MAGI2: variants seen among roughly 807,000 people sequenced by gnomAD.
The protein encoded by MAGI2 is membrane-associated guanylate kinase, WW and PDZ domain-containing protein 2.
Under a neutral mutation model 133.3 loss-of-function variants are expected in MAGI2, and 35 were observed. That is an observed-to-expected ratio of 0.26 (90% confidence interval 0.20 to 0.35). The LOEUF is 0.35. Ranked by LOEUF, MAGI2 falls within the 10% of genes least tolerant of loss-of-function variation. The pLI is 1.00. For synonymous variants in MAGI2, 729 were observed against 710.6 expected, an observed-to-expected ratio of 1.03 and a Z score of -0.41; for missense variants, 1,636 against 1,863.4, an observed-to-expected ratio of 0.88 and a Z score of 2.25.
chr7:78,312,636 A>G (rs541651717), intron 9 of MAGI2, among the ~76,000 whole-genome samples: 3 of 152,322 alleles, frequency 2.0e-5, no homozygotes, highest in Non-Finnish European at 1.5e-5. Flanking sequence ...ATAATCAGGG[A>G]AATGCAAATG....
At chr7:79,329,509 G>C (rs1262795994) in intron 1 of MAGI2, among the ~76,000 whole-genome samples, 1 of 152,188 alleles carries the variant, frequency 6.6e-6, no homozygotes, top group Non-Finnish European at 1.5e-5. Context: ...TGACTTCTTA[G>C]TATGGTTACT....
chr7:79,281,082 C>A (rs2129557970), intron 1 of MAGI2, among the ~76,000 whole-genome samples: 1 of 151,486 alleles, frequency 6.6e-6, no homozygotes, highest in Admixed American at 6.6e-5. Flanking sequence ...ATAAACATGA[C>A]CAGAGAATAT....
chr7:78,850,676 A>G (rs1288189615), intron 2 of MAGI2, among the ~76,000 whole-genome samples: 1 of 151,950 alleles, frequency 6.6e-6, no homozygotes. Flanking sequence ...TCCCTCAGGC[A>G]CTGTGCACTG....
chr7:78,289,741 G>C (rs955798446), intron 9 of MAGI2, among the ~76,000 whole-genome samples: 1 of 152,212 alleles, frequency 6.6e-6, no homozygotes, highest in Admixed American at 6.5e-5. Context: ...AAGCCCGTCA[G>C]ACTAACAGCA....
intron 6 of MAGI2, among the ~76,000 whole-genome samples, chr7:78,380,602 G>A (rs907121463): frequency 5.9e-5 from 9 of 152,020 alleles, no homozygotes; most frequent in Admixed American, 5.3e-4. Flanking sequence ...GGCTGGTAAG[G>A]GTAGCAGAGG....
intron 9 of MAGI2, among the ~76,000 whole-genome samples, chr7:78,267,062 A>C (rs1584632865): frequency 6.6e-6 from 1 of 152,130 alleles, no homozygotes; most frequent in Admixed American, 6.5e-5. Context: ...CTAGGTCTCT[A>C]TCAACCTACA....
chr7:78,351,520 C>T (rs1375863884), intron 7 of MAGI2, among the ~76,000 whole-genome samples: 1 of 151,788 alleles, frequency 6.6e-6, no homozygotes. Flanking sequence ...TGGGGCTTGG[C>T]GTTGTGGCTC....
chr7:79,179,857 C>G (rs1826460081), intron 1 of MAGI2, among the ~76,000 whole-genome samples: 1 of 151,914 alleles, frequency 6.6e-6, no homozygotes, highest in African/African-American at 2.4e-5. Flanking sequence ...CAGGATATTG[C>G]TCTAGGCAAC....
chr7:79,417,770 C>A (rs1047716924), intron 1 of MAGI2, among the ~76,000 whole-genome samples: 2 of 150,688 alleles, frequency 1.3e-5, no homozygotes, highest in African/African-American at 2.4e-5. Flanking sequence ...AAATAACTTA[C>A]AGACTGGAGG....
At chr7:79,075,530 G>A (rs1422084949) in intron 1 of MAGI2, among the ~76,000 whole-genome samples, 1 of 152,164 alleles carries the variant, frequency 6.6e-6, no homozygotes, top group Non-Finnish European at 1.5e-5. Context: ...GGAGGCTGAT[G>A]TGGGCAGATC....
intron 1 of MAGI2, among the ~76,000 whole-genome samples, chr7:79,094,863 T>C (rs1330150339): frequency 1.3e-5 from 2 of 152,208 alleles, no homozygotes; most frequent in African/African-American, 4.8e-5. Flanking sequence ...CATCTAGGCT[T>C]TGTTTTTCAA....
chr7:78,189,501 C>T (rs1049665932), intron 12 of MAGI2, among the ~76,000 whole-genome samples: 2 of 152,162 alleles, frequency 1.3e-5, no homozygotes, highest in East Asian at 1.9e-4. Flanking sequence ...TTACACCATA[C>T]GGATCCTTGA....
chr7:79,135,999 GAAAGAGAAAGAAA>G (rs1821403041), intron 1 of MAGI2, among the ~76,000 whole-genome samples: 1 of 28,888 alleles, frequency 3.5e-5, no homozygotes, highest in Non-Finnish European at 1.2e-4. Context: ...AAGAAAGAAA[GAAAGAGAAAGAAA>G]GAAAGAAAGA....
intron 2 of MAGI2, among the ~76,000 whole-genome samples, chr7:78,974,979 A>G (rs755539175): frequency 6.6e-6 from 1 of 151,758 alleles, no homozygotes; most frequent in Non-Finnish European, 1.5e-5. Context: ...TAAAGAAAAC[A>G]TAACAGTCCT....
chr7:78,963,268 GT>G (rs1803013839), intron 2 of MAGI2, among the ~76,000 whole-genome samples: 1 of 152,080 alleles, frequency 6.6e-6, no homozygotes, highest in African/African-American at 2.4e-5. Flanking sequence ...ATTAAGAAAA[GT>G]TTACAGACCT....
intron 1 of MAGI2, among the ~76,000 whole-genome samples, chr7:79,373,111 G>T (rs1429004569): frequency 6.6e-6 from 1 of 151,922 alleles, no homozygotes; most frequent in African/African-American, 2.4e-5. Flanking sequence ...TTATCATTTG[G>T]TAATCTTAAA....
chr7:78,650,549 TCA>T (rs1811449752), intron 2 of MAGI2, among the ~76,000 whole-genome samples: 1 of 152,176 alleles, frequency 6.6e-6, no homozygotes, highest in Admixed American at 6.6e-5. Context: ...AAATATGTGT[TCA>T]GTCAACTGCA....
Position 78,120,924 on chromosome 7 carries a change from C to T in MAGI2, c.3567+4770G>A, listed in dbSNP as rs867817499. Among the ~76,000 whole-genome samples the T allele has an allele frequency of 7.9e-4, 108 of 137,230 alleles. 2 individuals carry two copies. In the Middle Eastern group the frequency reaches 0.013, roughly 17 times the overall value. 90.0% of individuals were successfully genotyped at this position (137,230 alleles called of 152,430 possible). A position where few individuals can be genotyped will look rare whatever the true frequency, so the allele number is the denominator to read the frequency against. On this transcript the variant is annotated intron_variant, in intron 20 of 21. Coordinates refer to ENST00000354212, the MANE Select transcript of MAGI2 (RefSeq NM_012301.4). The stretch of plus-strand genomic sequence containing the variant: ...GCTGAGGCAGGAGAATGGCGTGAAC[C>T]CGGGAGGCGGAGCTTGCAGTGAGCC...
chr7:78,342,498 A>T (rs529411677), intron 9 of MAGI2, among the ~76,000 whole-genome samples: 88 of 152,336 alleles, frequency 5.8e-4, no homozygotes, highest in Non-Finnish European at 1.1e-3. Flanking sequence ...TACTATAAAG[A>T]CACATGCACA....
Sources: allele counts gnomAD v4.1 joint callset (sites outside exome capture counted in the v4.1 genomes callset), GRCh38; gene constraint gnomAD v4.1.1; transcripts MANE v1.5; gene names NCBI Gene and HGNC (gene_info 2026-07-23, HGNC 2026-07-21).